Variants in SUMF1 observed in about 807,000 individuals in gnomAD.
SUMF1 encodes sulfatase modifying factor 1.
Under a neutral mutation model 47.6 loss-of-function variants are expected in SUMF1, and 48 were observed. The observed-to-expected ratio is 1.01, with a 90% CI of 0.80 to 1.28. The LOEUF is 1.28. Ranked by LOEUF, SUMF1 falls within the 50% of genes most tolerant of loss-of-function variation. The probability of loss-of-function intolerance (pLI) is 0.00; values close to 1 mark genes in which losing one functional copy is unlikely to be tolerated. For missense variants in SUMF1, 571 were observed against 485.4 expected (o/e 1.18, Z -1.66); for synonymous variants, 230 against 192.1 (o/e 1.20, Z -1.63).
intron 8 of SUMF1, among the ~76,000 whole-genome samples, chr3:4,153,049 G>A (rs373701730): frequency 4.0e-5 from 6 of 151,444 alleles, no homozygotes; most frequent in East Asian, 1.9e-4. Flanking sequence ...AACTGCAAGC[G>A]AGCTCTCAGA....
chr3:4,160,120 T>C (rs1408116712), intron 8 of SUMF1, among the ~76,000 whole-genome samples: 3 of 152,160 alleles, frequency 2.0e-5, no homozygotes, highest in African/African-American at 7.2e-5. Context: ...AAACTCTCTG[T>C]TATCACTGCT....
At chr3:4,415,296 C>G (rs1701676586) in intron 6 of SUMF1, among the ~76,000 whole-genome samples, 1 of 151,074 alleles carries the variant, frequency 6.6e-6, no homozygotes. Context: ...CAAATGAGGG[C>G]CACAAAAGCC....
intron 8 of SUMF1, among the ~76,000 whole-genome samples, chr3:4,267,551 T>A (rs547161910): frequency 6.6e-6 from 1 of 152,294 alleles, no homozygotes; most frequent in Non-Finnish European, 1.5e-5. Flanking sequence ...AGTTTGTATT[T>A]CTGTGGGATC....
intron 6 of SUMF1, among the ~76,000 whole-genome samples, chr3:4,411,469 C>T (rs548686094): frequency 2.6e-5 from 4 of 152,222 alleles, no homozygotes; most frequent in African/African-American, 7.2e-5. Flanking sequence ...CATCATCTTA[C>T]CTTAAGCCTC....
chr3:4,458,511 A>C (rs1282313291), intron 1 of SUMF1, among the ~76,000 whole-genome samples: 7 of 152,122 alleles, frequency 4.6e-5, no homozygotes, highest in Non-Finnish European at 8.8e-5. Flanking sequence ...GGATAAAGAA[A>C]ATGTTTATAT....
In SUMF1 at chr3:4,120,508, C is replaced by G. The variant is rs532580997; in HGVS notation, c.1015-51763G>C. 2.0e-5 allele frequency among the ~76,000 whole-genome samples: 3 copies of G among 152,256 alleles called. No homozygotes were observed. The South Asian group carries it at 6.2e-4, about 32-fold the overall frequency. On this transcript the variant is annotated intron_variant and NMD_transcript_variant, in intron 8 of 12. Coordinates refer to the SUMF1 transcript ENST00000448413. ...GTACAACTCTGACCTAAAATACCAT[C>G]TTCTTTGTCTACCTGTTGGGAAAAT...
intron 8 of SUMF1, among the ~76,000 whole-genome samples, chr3:4,236,826 C>T (rs940453953): frequency 6.6e-6 from 1 of 152,032 alleles, no homozygotes; most frequent in Admixed American, 6.6e-5. Flanking sequence ...TTTTGACAAA[C>T]GTATAATGAC....
intron 2 of SUMF1, among the ~76,000 whole-genome samples, chr3:4,451,445 C>T (rs575976264): frequency 1.3e-5 from 2 of 152,086 alleles, no homozygotes; most frequent in South Asian, 2.1e-4. Flanking sequence ...AAAGTAATCG[C>T]GGTCTTTGCC....
chr3:4,233,354 C>A (rs950829543), intron 8 of SUMF1, among the ~76,000 whole-genome samples: 3 of 152,098 alleles, frequency 2.0e-5, no homozygotes, highest in African/African-American at 7.2e-5. Flanking sequence ...AATAACATTT[C>A]TTGTAGGGAG....
At chr3:4,162,595 G>A (rs1039602714) in intron 8 of SUMF1, among the ~76,000 whole-genome samples, 2 of 152,144 alleles carry the variant, frequency 1.3e-5, no homozygotes. Context: ...GCACAGCACT[G>A]AGTTTCAATG....
intron 8 of SUMF1, among the ~76,000 whole-genome samples, chr3:4,247,847 C>G (rs915532309): frequency 6.6e-5 from 10 of 152,140 alleles, no homozygotes; most frequent in African/African-American, 2.4e-4. Context: ...TGCTTGAAAA[C>G]AAAATGTCTC....
intron 8 of SUMF1, among the ~76,000 whole-genome samples, chr3:4,355,960 G>T (rs577286983): frequency 3.9e-5 from 6 of 152,142 alleles, no homozygotes; most frequent in Non-Finnish European, 8.8e-5. Flanking sequence ...ATCCTAAATA[G>T]GGCAAGTTTC....
intron 8 of SUMF1, among the ~76,000 whole-genome samples, chr3:4,150,995 T>C (rs1024845812): frequency 2.0e-5 from 3 of 151,470 alleles, no homozygotes; most frequent in African/African-American, 7.4e-5. Context: ...AGGGGACAAA[T>C]GGCCTTCACA....
chr3:4,313,569 A>T (rs1221472662), intron 8 of SUMF1: 9 of 1,614,110 alleles, frequency 5.6e-6, no homozygotes, highest in Non-Finnish European at 7.6e-6. Context: ...AAGACAAAGA[A>T]AGGCTAGATC....
chr3:4,047,468 C>A (rs1258547548), intron 9 of SUMF1, among the ~76,000 whole-genome samples: 1 of 152,094 alleles, frequency 6.6e-6, no homozygotes, highest in African/African-American at 2.4e-5. Context: ...TCCACAGTTC[C>A]AAGGAGGCTT....
intron 8 of SUMF1, among the ~76,000 whole-genome samples, chr3:4,362,881 T>C (rs1056828293): frequency 6.6e-6 from 1 of 151,668 alleles, no homozygotes; most frequent in Non-Finnish European, 1.5e-5. Flanking sequence ...GCCACTGTAC[T>C]AAAGCCTGGG....
intron 8 of SUMF1, among the ~76,000 whole-genome samples, chr3:4,192,556 G>C (rs562430042): frequency 3.9e-5 from 6 of 152,002 alleles, no homozygotes; most frequent in African/African-American, 1.5e-4. Context: ...GTATAATAAA[G>C]AATTTGTCTG....
At chr3:4,374,012 T>C (rs1700248205) in intron 8 of SUMF1, among the ~76,000 whole-genome samples, 1 of 152,096 alleles carries the variant, frequency 6.6e-6, no homozygotes. Context: ...TCTAAAAAAT[T>C]AGCAATGGAA....
intron 8 of SUMF1, among the ~76,000 whole-genome samples, chr3:4,141,544 T>A (rs1475163861): frequency 6.6e-6 from 1 of 152,122 alleles, no homozygotes; most frequent in African/African-American, 2.4e-5. Context: ...ACATCTTTAA[T>A]TCCAGCTTCT....
Sources: allele counts gnomAD v4.1 joint callset (sites outside exome capture counted in the v4.1 genomes callset), GRCh38; gene constraint gnomAD v4.1.1; transcripts MANE v1.5; gene names NCBI Gene and HGNC (gene_info 2026-07-23, HGNC 2026-07-21).